PACSIN2: variants seen among roughly 807,000 people sequenced by gnomAD.
The protein encoded by PACSIN2 is protein kinase C and casein kinase substrate in neurons 2.
A neutral mutation model predicts 63.8 loss-of-function variants in PACSIN2; 25 were observed. The ratio of observed to expected loss-of-function variants is 0.39; its 90% CI spans 0.29 to 0.55. The LOEUF is 0.55. Ranked by LOEUF, PACSIN2 falls within the 20% of genes least tolerant of loss-of-function variation. The pLI is 0.62. For synonymous variants in PACSIN2, 255 were observed against 256.2 expected (o/e 1.00, Z 0.05); for missense variants, 518 against 646.9 (o/e 0.80, Z 2.16).
chr22:42,879,311 T>C, intron 7 of PACSIN2, 142 bp from the exon 8 acceptor site: 1 of 870,206 alleles, frequency 1.1e-6, no homozygotes, highest in East Asian at 2.8e-5. Context: ...TCTCCCTGGT[T>C]TCCCAGAAGA....
At chr22:42,946,543 C>G (rs1569308804) in intron 1 of PACSIN2, among the ~76,000 whole-genome samples, 1 of 152,214 alleles carries the variant, frequency 6.6e-6, no homozygotes, top group Non-Finnish European at 1.5e-5. Flanking sequence ...GAGCAAAACT[C>G]TGTCTCAAAA....
intron 1 of PACSIN2, among the ~76,000 whole-genome samples, chr22:42,979,888 T>C (rs186181880): frequency 7.5e-4 from 115 of 152,356 alleles, no homozygotes; most frequent in African/African-American, 1.7e-3. Flanking sequence ...AACCCCTGCT[T>C]ATGCCAACTG....
intron 3 of PACSIN2, among the ~76,000 whole-genome samples, chr22:42,891,730 C>T (rs1000618599): frequency 2.0e-5 from 3 of 152,192 alleles, no homozygotes; most frequent in African/African-American, 7.2e-5. Context: ...TTTAAAGCCA[C>T]TGAACTCTAT....
At chr22:42,910,358 C>A (rs1314429363) in intron 2 of PACSIN2, among the ~76,000 whole-genome samples, 1 of 152,218 alleles carries the variant, frequency 6.6e-6, no homozygotes, top group African/African-American at 2.4e-5. Context: ...AGAACAAGGG[C>A]CTGCACTTCT....
intron 1 of PACSIN2, among the ~76,000 whole-genome samples, chr22:42,955,966 T>C (rs1933900061): frequency 6.6e-6 from 1 of 152,232 alleles, no homozygotes; most frequent in African/African-American, 2.4e-5. Flanking sequence ...CCAATCTATG[T>C]TAGGAATTTA....
At chr22:42,933,924 T>C (rs1253701462) in intron 1 of PACSIN2, among the ~76,000 whole-genome samples, 1 of 152,196 alleles carries the variant, frequency 6.6e-6, no homozygotes, top group Non-Finnish European at 1.5e-5. Context: ...ACAGAAACTA[T>C]GGAAGAAACT....
At chr22:43,005,142 G>C (rs989390610) in intron 1 of PACSIN2, among the ~76,000 whole-genome samples, 3 of 152,216 alleles carry the variant, frequency 2.0e-5, no homozygotes, top group Admixed American at 6.5e-5. Context: ...TCACTGCTGC[G>C]TGTTATCTTA....
chr22:42,894,894 T>C (rs1418507948), intron 2 of PACSIN2, among the ~76,000 whole-genome samples: 1 of 151,342 alleles, frequency 6.6e-6, no homozygotes, highest in East Asian at 2.0e-4. Flanking sequence ...CTAAAATCTC[T>C]TTGCCTGGCC....
chr22:42,988,974 G>A (rs2146899586), intron 1 of PACSIN2, among the ~76,000 whole-genome samples: 1 of 152,124 alleles, frequency 6.6e-6, no homozygotes, highest in African/African-American at 2.4e-5. Context: ...TGACTTCCTA[G>A]GCTCAAGCAA....
chr22:42,879,000 C>CAAAAGAG, intron 8 of PACSIN2, 48 bp downstream of exon 8: 3 of 1,586,168 alleles, frequency 1.9e-6, no homozygotes, highest in Non-Finnish European at 2.6e-6. Context: ...TTGCCCAGGG[C>CAAAAGAG]CCCCACCATG....
At chr22:42,909,098 T>C (rs79018391) in intron 2 of PACSIN2, among the ~76,000 whole-genome samples, 1,696 of 152,226 alleles carry the variant, frequency 0.011, 12 homozygotes, top group Non-Finnish European at 0.016. Context: ...TCAGTATGGG[T>C]TCCTTCATTC....
intron 1 of PACSIN2, among the ~76,000 whole-genome samples, chr22:42,969,484 T>C (rs1260987360): frequency 6.6e-6 from 1 of 152,202 alleles, no homozygotes; most frequent in Admixed American, 6.5e-5. Flanking sequence ...TATGGAGGCC[T>C]TGGGGAAGAA....
chr22:42,967,663 C>T (rs559768565), intron 1 of PACSIN2, among the ~76,000 whole-genome samples: 3 of 152,006 alleles, frequency 2.0e-5, no homozygotes, highest in East Asian at 1.9e-4. Context: ...CCGAGGCGGG[C>T]GGATCACGAG....
chr22:42,978,723 A>G (rs1254645459), intron 1 of PACSIN2, among the ~76,000 whole-genome samples: 1 of 152,182 alleles, frequency 6.6e-6, no homozygotes, highest in Non-Finnish European at 1.5e-5. Flanking sequence ...AGACATATTC[A>G]AAAGTATGTT....
At chr22:42,972,982 G>A (rs1921435239) in intron 1 of PACSIN2, among the ~76,000 whole-genome samples, 1 of 152,216 alleles carries the variant, frequency 6.6e-6, no homozygotes, top group Non-Finnish European at 1.5e-5. Flanking sequence ...CGAACAGCAT[G>A]TGAGGATTGT....
At chr22:42,890,892 A>C in intron 4 of PACSIN2, 55 bp downstream of exon 4, 1 of 1,410,228 alleles carries the variant, frequency 7.1e-7, no homozygotes, top group Non-Finnish European at 1.0e-6. Flanking sequence ...TGGTGCTGCT[A>C]GTGGGGTGCC....
In PACSIN2 at chr22:42,879,189, G is replaced by A. The variant is rs770335604; in HGVS notation, c.907-20C>T. 4.3e-6 allele frequency: 7 copies of A among 1,609,328 alleles called. No homozygotes were observed. The highest frequency in any genetic ancestry group is 1.1e-5 in the South Asian group (1 of 90,712). On this transcript the variant is annotated intron_variant, in intron 7 of 10. Transcript: ENST00000263246. Reference sequence around the variant, plus strand: ...CCACTCCTAGGCAACAGGTGCCGAGGGAGAGAAACCAAAGGTTCACTACTT... The same window carrying A: ...CCACTCCTAGGCAACAGGTGCCGAGAGAGAGAAACCAAAGGTTCACTACTT...
chr22:42,912,939 G>A (rs1931558462), intron 1 of PACSIN2, among the ~76,000 whole-genome samples: 1 of 152,236 alleles, frequency 6.6e-6, no homozygotes, highest in Non-Finnish European at 1.5e-5. Flanking sequence ...GCAACAGGAA[G>A]GGGTGAGACA....
intron 1 of PACSIN2, among the ~76,000 whole-genome samples, chr22:42,924,667 A>G (rs946224610): frequency 3.9e-5 from 6 of 151,994 alleles, no homozygotes; most frequent in Admixed American, 1.3e-4. Context: ...GGGCACTGCC[A>G]GGCACAGTGA....
Sources: allele counts gnomAD v4.1 joint callset (sites outside exome capture counted in the v4.1 genomes callset), GRCh38; gene constraint gnomAD v4.1.1; transcripts MANE v1.5; gene names NCBI Gene and HGNC (gene_info 2026-07-23, HGNC 2026-07-21).